Variants in ARMH3 observed in about 807,000 individuals in gnomAD.
The protein encoded by ARMH3 is armadillo-like helical domain-containing protein 3.
ARMH3 carries 60 observed loss-of-function variants against 99.1 expected under a neutral mutation model. That is an observed-to-expected ratio of 0.61 (90% confidence interval 0.49 to 0.75). The LOEUF (loss-of-function observed/expected upper bound fraction) is 0.75, where lower values mean the gene tolerates loss of function less well. ARMH3 is among the 30% of genes least tolerant of loss of function. ARMH3 has a pLI of 0.00. For missense variants in ARMH3, 679 were observed against 843.1 expected (o/e 0.81, Z 2.41); for synonymous variants, 285 against 292.8 (o/e 0.97, Z 0.27).
intron 20 of ARMH3, among the ~76,000 whole-genome samples, chr10:101,970,297 T>A (rs1208167808): frequency 1.3e-5 from 2 of 152,206 alleles, no homozygotes; most frequent in Non-Finnish European, 2.9e-5. Context: ...CTACTCTCTC[T>A]CACATCAACA....
At chr10:102,027,272 C>T (rs1288573125) in intron 5 of ARMH3, among the ~76,000 whole-genome samples, 1 of 144,692 alleles carries the variant, frequency 6.9e-6, no homozygotes, top group African/African-American at 2.6e-5. Context: ...GAGTGAGATT[C>T]CGTCTCAAAA....
At chr10:101,986,170 C>T (rs995528212) in intron 19 of ARMH3, among the ~76,000 whole-genome samples, 2 of 152,128 alleles carry the variant, frequency 1.3e-5, no homozygotes, top group Admixed American at 6.5e-5. Flanking sequence ...AAAATGAGTT[C>T]CACTTTCTCC....
At chr10:102,003,596 C>A (rs1427384867) in intron 14 of ARMH3, among the ~76,000 whole-genome samples, 2 of 152,162 alleles carry the variant, frequency 1.3e-5, no homozygotes, top group Non-Finnish European at 2.9e-5. Context: ...CCCAAAAAAG[C>A]TAGAGAATCT....
At chr10:102,045,554 G>A (rs1412110503) in intron 1 of ARMH3, among the ~76,000 whole-genome samples, 1 of 152,174 alleles carries the variant, frequency 6.6e-6, no homozygotes, top group Non-Finnish European at 1.5e-5. Flanking sequence ...CACTTGGCGT[G>A]TTCAGGAAAC....
At chr10:101,925,929 T>A (rs1448802080) in intron 23 of ARMH3, among the ~76,000 whole-genome samples, 2 of 152,030 alleles carry the variant, frequency 1.3e-5, no homozygotes, top group Non-Finnish European at 2.9e-5. Flanking sequence ...TATAAATAAA[T>A]AAAAAATGAA....
chr10:101,912,195 C>T (rs1222225934), intron 23 of ARMH3, among the ~76,000 whole-genome samples: 1 of 151,934 alleles, frequency 6.6e-6, no homozygotes, highest in Non-Finnish European at 1.5e-5. Flanking sequence ...GAGTTTGAGA[C>T]CAGTCTGGCC....
intron 19 of ARMH3, among the ~76,000 whole-genome samples, chr10:101,986,479 C>A (rs1476995819): frequency 6.6e-6 from 1 of 151,714 alleles, no homozygotes; most frequent in East Asian, 1.9e-4. Flanking sequence ...TAAGCACCTT[C>A]CCCCATCATT....
chr10:102,006,997 C>G (rs968915278), intron 13 of ARMH3, among the ~76,000 whole-genome samples: 4 of 151,416 alleles, frequency 2.6e-5, no homozygotes, highest in Admixed American at 1.3e-4. Context: ...CCCGTCTCTA[C>G]TAAAATACAA....
At chr10:101,976,817 T>C (rs1846034084) in intron 19 of ARMH3, among the ~76,000 whole-genome samples, 1 of 151,296 alleles carries the variant, frequency 6.6e-6, no homozygotes, top group Admixed American at 6.6e-5. Context: ...AGCCGGCTAA[T>C]TTTTTTTTGT....
In ARMH3 at chr10:101,898,321, G is replaced by A. The variant is rs368340281; in HGVS notation, c.1782-8831C>T. Among the ~76,000 whole-genome samples the A allele has an allele frequency of 9.3e-5, 14 of 151,288 alleles. No homozygotes were observed. The South Asian group carries it at 1.7e-3, about 18-fold the overall frequency. On this transcript the variant is annotated intron_variant, in intron 23 of 25. Coordinates refer to ENST00000370033, the MANE Select transcript of ARMH3 (RefSeq NM_024541.3). Reference sequence around the variant, plus strand: ...CAGGGAACCATGATCACACCACTGCGCTCCCTAGCCTGGGTGACAGAGCAA... The same window carrying A: ...CAGGGAACCATGATCACACCACTGCACTCCCTAGCCTGGGTGACAGAGCAA...
chr10:101,945,588 C>T (rs1844478719), intron 22 of ARMH3, among the ~76,000 whole-genome samples: 1 of 151,900 alleles, frequency 6.6e-6, no homozygotes, highest in Non-Finnish European at 1.5e-5. Flanking sequence ...CGTGGTGGTG[C>T]ATGCCTGTAA....
At chr10:102,040,575 CA>C (rs2067386883) in intron 1 of ARMH3, among the ~76,000 whole-genome samples, 1 of 152,134 alleles carries the variant, frequency 6.6e-6, no homozygotes, top group Admixed American at 6.6e-5. Flanking sequence ...TGCATCTGTC[CA>C]ACACTCCCCT....
chr10:101,900,714 G>C (rs2067953095), intron 23 of ARMH3, among the ~76,000 whole-genome samples: 1 of 152,186 alleles, frequency 6.6e-6, no homozygotes, highest in Non-Finnish European at 1.5e-5. Flanking sequence ...GGTCACAGTG[G>C]CTTATGCCTG....
intron 23 of ARMH3, among the ~76,000 whole-genome samples, chr10:101,935,068 A>C (rs957159320): frequency 6.6e-6 from 1 of 151,752 alleles, no homozygotes; most frequent in Non-Finnish European, 1.5e-5. Context: ...CAGTTCACCA[A>C]GCAGCCCTGC....
chr10:101,919,824 G>A (rs1843233538), intron 23 of ARMH3, among the ~76,000 whole-genome samples: 2 of 152,082 alleles, frequency 1.3e-5, no homozygotes, highest in Non-Finnish European at 2.9e-5. Context: ...TTTTACTCTA[G>A]TATTTCTGGG....
rs949920845 is a variant in ARMH3 at position 102,038,089 on chromosome 10, CTTTTTTT to C, written c.102+1917_102+1923del. Among the ~76,000 whole-genome samples, 88 of 113,330 alleles carry C rather than the reference CTTTTTTT, an allele frequency of 7.8e-4. 1 individual carries two copies. Among genetic ancestry groups the C allele is most frequent in the African/African-American group, 2.9e-3 (82 of 28,764 alleles). The allele number at this position is 113,330 out of a possible 152,430, so 74.3% of individuals were successfully genotyped here. ...AAGCTTGCGTAAAAAAGAAAGAATC[CTTTTTTT>C]TTTTTTTTTTTTTTTTGAGATGGAG... On this transcript the variant is annotated intron_variant, in intron 2 of 25. Transcript: ENST00000370033.
At chr10:102,037,875 C>G (rs1213435852) in intron 2 of ARMH3, among the ~76,000 whole-genome samples, 1 of 152,060 alleles carries the variant, frequency 6.6e-6, no homozygotes, top group Non-Finnish European at 1.5e-5. Context: ...CAGGTGTGAG[C>G]TACCACACCC....
intron 24 of ARMH3, among the ~76,000 whole-genome samples, chr10:101,871,757 T>C (rs748717417): frequency 6.6e-6 from 1 of 152,048 alleles, no homozygotes; most frequent in African/African-American, 2.4e-5. Context: ...TCCCAGCACT[T>C]TGGGAGGCCG....
chr10:101,852,238 G>A (rs1410676883), intron 24 of ARMH3, among the ~76,000 whole-genome samples: 4 of 152,222 alleles, frequency 2.6e-5, no homozygotes, highest in Non-Finnish European at 1.5e-5. Flanking sequence ...AGAGATGGCT[G>A]AACCTTCTGA....
Sources: gnomAD v4.1 joint callset for allele counts (sites outside exome capture counted in the v4.1 genomes callset) on GRCh38, gnomAD v4.1.1 for gene constraint, MANE v1.5 for transcripts, NCBI Gene and HGNC (gene_info 2026-07-23, HGNC 2026-07-21) for gene names.